CELF2: variants seen among roughly 807,000 people sequenced by gnomAD.
CELF2 encodes the protein CUG triplet repeat RNA-binding protein 2.
In CELF2, 8 loss-of-function variants were observed where a neutral mutation model predicts 62.6. The observed-to-expected ratio is 0.13, with a 90% CI of 0.07 to 0.23. CELF2 has a LOEUF of 0.23. Ranked by LOEUF, CELF2 falls within the 10% of genes least tolerant of loss-of-function variation. The pLI, the probability that CELF2 is intolerant of heterozygous loss-of-function variation, is 1.00. For missense variants in CELF2, 333 were observed against 671.0 expected (o/e 0.50, Z 5.56); for synonymous variants, 258 against 250.0 (o/e 1.03, Z -0.30).
chr10:10,888,911 C>T (rs1222915502), intron 1 of CELF2, among the ~76,000 whole-genome samples: 4 of 152,230 alleles, frequency 2.6e-5, no homozygotes, highest in East Asian at 1.9e-4. Context: ...CTTCTTGGAG[C>T]GGGGACCATG....
At chr10:11,142,567 C>G (rs141515873) in intron 1 of CELF2, among the ~76,000 whole-genome samples, 8 of 151,800 alleles carry the variant, frequency 5.3e-5, no homozygotes, top group Non-Finnish European at 1.0e-4. Context: ...GCCTGTAATC[C>G]CAGCTACTCG....
chr10:10,813,863 A>C (rs976905995), intron 1 of CELF2, among the ~76,000 whole-genome samples: 1 of 152,226 alleles, frequency 6.6e-6, no homozygotes, highest in African/African-American at 2.4e-5. Flanking sequence ...GGACAGCAAC[A>C]GGGAGACTGA....
chr10:11,305,195 GAGAAA>G lies in CELF2; in HGVS notation c.977-8939_977-8935del, dbSNP rs541947966. Among the ~76,000 whole-genome samples the G allele has an allele frequency of 3.7e-4, 56 of 152,330 alleles. No individual in the cohort carries two copies. The highest frequency in any genetic ancestry group is 8.5e-4 in the Admixed American group (13 of 15,302). On this transcript the variant is annotated intron_variant, in intron 9 of 12. Transcript: ENST00000633077. This position sits in a 1 kb window ranked among gnomAD's most constrained non-coding sequence, Gnocchi z 4.8. ...GGTGGTCCAGGTTATCCACATAGCA[GAGAAA>G]AGAACTTTTTTCTGGAAAGTGGAGC...
chr10:10,614,705 C>A, the CELF2 span, among the ~76,000 whole-genome samples: 1 of 152,090 alleles, frequency 6.6e-6, no homozygotes, highest in Non-Finnish European at 1.5e-5. Flanking sequence ...ACTGTCCTTG[C>A]CAGTTGTTAT....
chr10:10,475,303 G>A, the CELF2 span, among the ~76,000 whole-genome samples: 3 of 151,916 alleles, frequency 2.0e-5, no homozygotes, highest in Admixed American at 1.3e-4. Flanking sequence ...GGTTCCTGAT[G>A]GTCTAGTCTT....
chr10:10,750,603 T>A, the CELF2 span, among the ~76,000 whole-genome samples: 1 of 152,266 alleles, frequency 6.6e-6, no homozygotes, highest in Non-Finnish European at 1.5e-5. Context: ...TGCTCTGATG[T>A]AAAACAAGGA....
chr10:11,169,030 T>A (rs935359095), intron 2 of CELF2: 1 of 152,220 alleles, frequency 6.6e-6, no homozygotes, highest in African/African-American at 2.4e-5. Flanking sequence ...ACCCTAAATT[T>A]AATTTCTGGC....
chr10:10,479,761 T>G, the CELF2 span, among the ~76,000 whole-genome samples: 2 of 152,234 alleles, frequency 1.3e-5, no homozygotes, highest in African/African-American at 4.8e-5. Context: ...AGTGAAAATA[T>G]TAATATCTTC....
chr10:10,665,892 C>A, the CELF2 span, among the ~76,000 whole-genome samples: 1 of 152,280 alleles, frequency 6.6e-6, no homozygotes, highest in East Asian at 1.9e-4. Context: ...CTATCCCATA[C>A]AATCATCAGA....
chr10:10,481,353 T>C, the CELF2 span, among the ~76,000 whole-genome samples: 2 of 152,270 alleles, frequency 1.3e-5, no homozygotes, highest in East Asian at 3.8e-4. Flanking sequence ...TTTTCCATCA[T>C]GTACCTAGTA....
intron 1 of CELF2, among the ~76,000 whole-genome samples, chr10:11,062,078 C>T (rs1462300673): frequency 1.3e-5 from 2 of 152,216 alleles, no homozygotes; most frequent in Admixed American, 6.5e-5. Context: ...TCCCAAAGTG[C>T]TGGGATTACA....
chr10:10,601,389 C>T, the CELF2 span, among the ~76,000 whole-genome samples: 4 of 152,138 alleles, frequency 2.6e-5, no homozygotes, highest in African/African-American at 9.7e-5. Context: ...TGTCGTGGAT[C>T]TCTAGTGAGG....
rs1278641272 is a variant in CELF2, at chr10:11,214,677, C to T, written c.272-2748C>T. Among the ~76,000 whole-genome samples, 1 of 152,220 alleles carries T rather than the reference C, an allele frequency of 6.6e-6. No individual in the cohort carries two copies. Among genetic ancestry groups the T allele is most frequent in the African/African-American group, 2.4e-5 (1 of 41,466 alleles). On this transcript the variant is annotated intron_variant, in intron 2 of 12. Transcript: ENST00000633077. The surrounding 1 kb of genome is among the most constrained non-coding windows in gnomAD (Gnocchi z 4.2). ...ACAGATGAACGGTAAGGCACATTAG[C>T]AGTGTTACCTACGGTATCCTCCTGC...
At chr10:11,028,331 G>A (rs944487599) in intron 1 of CELF2, among the ~76,000 whole-genome samples, 1 of 152,060 alleles carries the variant, frequency 6.6e-6, no homozygotes, top group Non-Finnish European at 1.5e-5. Context: ...TCAGCCACAC[G>A]ATATGAAGGC....
At chr10:10,921,197 C>T (rs895072761) in intron 2 of CELF2, among the ~76,000 whole-genome samples, 1 of 152,028 alleles carries the variant, frequency 6.6e-6, no homozygotes, top group East Asian at 1.9e-4. Context: ...TCAGGTGATC[C>T]ACCCGTCTCG....
chr10:10,516,087 C>T, the CELF2 span, among the ~76,000 whole-genome samples: 5 of 152,136 alleles, frequency 3.3e-5, no homozygotes, highest in Non-Finnish European at 7.3e-5. Context: ...CATTTGGTGA[C>T]TGGCGTTTGC....
At chr10:10,789,169 AGT>A in the CELF2 span, 1 of 152,192 alleles carries the variant, frequency 6.6e-6, no homozygotes, top group East Asian at 1.9e-4. Context: ...CCCTGTCCAC[AGT>A]ACCTCTATGG....
intron 8 of CELF2, among the ~76,000 whole-genome samples, chr10:11,278,433 G>A (rs1362556592): frequency 6.6e-6 from 1 of 152,142 alleles, no homozygotes; most frequent in African/African-American, 2.4e-5. Context: ...TCTCTCAGCG[G>A]TGATATTTGT....
At chr10:10,518,063 G>A in the CELF2 span, among the ~76,000 whole-genome samples, 663 of 152,244 alleles carry the variant, frequency 4.4e-3, 10 homozygotes, top group African/African-American at 0.015. Context: ...CTGTCTGAAC[G>A]TCTCATTCAG....
Sources: allele counts gnomAD v4.1 joint callset (sites outside exome capture counted in the v4.1 genomes callset), GRCh38; gene constraint gnomAD v4.1.1; non-coding constraint Gnocchi (gnomAD v3.1); transcripts MANE v1.5; gene names NCBI Gene and HGNC (gene_info 2026-07-23, HGNC 2026-07-21).